The following CERS6 variants were observed in gnomAD, a reference collection of about 807,000 sequenced individuals.
CERS6 encodes LAG1 homolog, ceramide synthase 6.
CERS6 carries 26 observed loss-of-function variants against 56.8 expected under a neutral mutation model. The observed-to-expected ratio is 0.46, with a 90% confidence interval of 0.34 to 0.63. The LOEUF (loss-of-function observed/expected upper bound fraction) is 0.63, where lower values mean the gene tolerates loss of function less well. Among genes scored for constraint, CERS6 ranks in the 30% least tolerant of loss-of-function variants. The probability of loss-of-function intolerance (pLI) is 0.01; values close to 1 mark genes in which losing one functional copy is unlikely to be tolerated. For missense variants in CERS6, 415 were observed against 467.5 expected, an observed-to-expected ratio of 0.89 and a Z score of 1.04; for synonymous variants, 164 against 173.3, an observed-to-expected ratio of 0.95 and a Z score of 0.42.
chr2:168,630,294 A>G (rs374386747), intron 3 of CERS6, among the ~76,000 whole-genome samples: 14 of 72,322 alleles, frequency 1.9e-4, no homozygotes, highest in Admixed American at 5.5e-4. Flanking sequence ...GTTTTTTGTA[A>G]TAAGTATACA....
At chr2:168,561,117 T>C (rs896440892) in intron 2 of CERS6, 75 bp from the exon 3 acceptor site, 25 of 1,507,234 alleles carry the variant, frequency 1.7e-5, no homozygotes, top group South Asian at 3.5e-5. Context: ...CTCTCAGATA[T>C]AGACAAGGGC....
intron 2 of CERS6, among the ~76,000 whole-genome samples, chr2:168,555,733 T>C (rs1695665564): frequency 1.4e-5 from 2 of 147,318 alleles, no homozygotes; most frequent in African/African-American, 4.9e-5. Flanking sequence ...TGTGTGTGTG[T>C]GTGTGTGTGT....
chr2:168,499,824 G>A (rs1488373188), intron 1 of CERS6, among the ~76,000 whole-genome samples: 1 of 152,252 alleles, frequency 6.6e-6, no homozygotes, highest in South Asian at 2.1e-4. Context: ...CCGTAACCGG[G>A]AACTGCTATA....
chr2:168,691,011 A>G, intron 4 of CERS6, 23 bp from the exon 5 acceptor site: 1 of 1,607,410 alleles, frequency 6.2e-7, no homozygotes. Context: ...AATATGTAAA[A>G]TATTTTTTGT....
intron 4 of CERS6, among the ~76,000 whole-genome samples, chr2:168,642,026 A>G (rs1317824131): frequency 1.3e-5 from 2 of 152,156 alleles, no homozygotes; most frequent in Admixed American, 6.6e-5. Flanking sequence ...TTGTTACCCC[A>G]TTTCCCATTA....
intron 1 of CERS6, among the ~76,000 whole-genome samples, chr2:168,489,773 A>G (rs1160726187): frequency 1.3e-5 from 2 of 152,068 alleles, no homozygotes; most frequent in African/African-American, 2.4e-5. Flanking sequence ...TTCATTCCAT[A>G]TCACCATGGA....
chr2:168,709,430 G>C lies in CERS6; in HGVS notation c.610-5571G>C, dbSNP rs538411971. Among the ~76,000 whole-genome samples the C allele has an allele frequency of 3.9e-5, 6 of 152,116 alleles. No individual in the cohort carries two copies. In the South Asian group the frequency reaches 1.2e-3, roughly 32 times the overall value. ...TGTTTGATTTTTCCCCCTTGTCTCT[G>C]ATAATTAACATAGGCAAAGCTACTG... On this transcript the variant is annotated intron_variant, in intron 6 of 9. Transcript: ENST00000305747.
chr2:168,506,320 A>G (rs1694676212), intron 1 of CERS6, among the ~76,000 whole-genome samples: 1 of 152,094 alleles, frequency 6.6e-6, no homozygotes, highest in South Asian at 2.1e-4. Flanking sequence ...ATAGTCTTCC[A>G]GTCGACCTGA....
intron 1 of CERS6, among the ~76,000 whole-genome samples, chr2:168,537,623 G>C (rs1400453778): frequency 2.0e-5 from 3 of 151,988 alleles, no homozygotes; most frequent in Non-Finnish European, 4.4e-5. Context: ...TAATATTTCA[G>C]GGGTTTCTTT....
intron 8 of CERS6, among the ~76,000 whole-genome samples, chr2:168,733,746 G>A (rs777923655): frequency 2.6e-5 from 4 of 152,198 alleles, no homozygotes; most frequent in Admixed American, 6.5e-5. Flanking sequence ...GAAACATGAT[G>A]ATGGTAGAGG....
At chr2:168,597,912 C>A (rs1282761696) in intron 3 of CERS6, among the ~76,000 whole-genome samples, 1 of 152,144 alleles carries the variant, frequency 6.6e-6, no homozygotes, top group Non-Finnish European at 1.5e-5. Context: ...TGTTTGGAAT[C>A]CATGTAAGAA....
chr2:168,756,106 G>A (rs1381598101), intron 8 of CERS6, among the ~76,000 whole-genome samples: 4 of 152,194 alleles, frequency 2.6e-5, no homozygotes, highest in Non-Finnish European at 5.9e-5. Flanking sequence ...TAGCCCTTCA[G>A]GGAGGAGCAC....
intron 1 of CERS6, among the ~76,000 whole-genome samples, chr2:168,534,276 G>A (rs749266088): frequency 7.9e-5 from 12 of 152,056 alleles, no homozygotes; most frequent in African/African-American, 2.4e-4. Context: ...GCGACGTTGC[G>A]ATCATTTGGA....
chr2:168,523,419 G>A (rs563258390), intron 1 of CERS6, among the ~76,000 whole-genome samples: 263 of 152,270 alleles, frequency 1.7e-3, no homozygotes, highest in Middle Eastern at 0.017. Flanking sequence ...TGATTTTCAT[G>A]ATTGTCTGAG....
chr2:168,670,900 T>C (rs1176403756), intron 4 of CERS6, among the ~76,000 whole-genome samples: 1 of 151,056 alleles, frequency 6.6e-6, no homozygotes, highest in African/African-American at 2.4e-5. Context: ...TGTTTGGTTT[T>C]GTTCACTCCT....
At chr2:168,611,144 C>G (rs1196381124) in intron 3 of CERS6, among the ~76,000 whole-genome samples, 1 of 152,156 alleles carries the variant, frequency 6.6e-6, no homozygotes, top group Non-Finnish European at 1.5e-5. Context: ...TCACCAGCAT[C>G]TAAAAAGTCT....
At chr2:168,702,923 A>T (rs1686839826) in intron 6 of CERS6, among the ~76,000 whole-genome samples, 1 of 152,242 alleles carries the variant, frequency 6.6e-6, no homozygotes, top group South Asian at 2.1e-4. Flanking sequence ...CTGGCAACAG[A>T]TTAAATGTAT....
chr2:168,741,351 T>A (rs901363055), intron 8 of CERS6, among the ~76,000 whole-genome samples: 2 of 145,050 alleles, frequency 1.4e-5, no homozygotes, highest in African/African-American at 5.2e-5. Flanking sequence ...AGCAGGCAGT[T>A]ATATGTATGG....
intron 8 of CERS6, among the ~76,000 whole-genome samples, chr2:168,734,135 CA>C (rs1212952495): frequency 6.6e-6 from 1 of 151,260 alleles, no homozygotes. Flanking sequence ...CCTTCTAGTT[CA>C]AAAAAAATGT....
Sources: gnomAD v4.1 joint callset for allele counts (sites outside exome capture counted in the v4.1 genomes callset) on GRCh38, gnomAD v4.1.1 for gene constraint, MANE v1.5 for transcripts, NCBI Gene and HGNC (gene_info 2026-07-23, HGNC 2026-07-21) for gene names.